The following MGST1 variants were observed in gnomAD, a reference collection of about 807,000 sequenced individuals.
MGST1 encodes the protein glutathione S-transferase 12.
MGST1 carries 5 observed loss-of-function variants against 8.9 expected under a neutral mutation model. The ratio of observed to expected loss-of-function variants is 0.56; its 90% CI spans 0.29 to 1.19. The LOEUF (loss-of-function observed/expected upper bound fraction) is 1.19. MGST1 is among the 50% of genes most tolerant of loss of function. The probability of loss-of-function intolerance (pLI) is 0.08; values close to 1 mark genes in which losing one functional copy is unlikely to be tolerated. For synonymous variants in MGST1, 54 were observed against 67.8 expected, an observed-to-expected ratio of 0.80 and a Z score of 1.00; for missense variants, 182 against 187.4, an observed-to-expected ratio of 0.97 and a Z score of 0.17.
At chr12:16,581,450 C>G (rs981905781) in intron 4 of MGST1, among the ~76,000 whole-genome samples, 1 of 152,110 alleles carries the variant, frequency 6.6e-6, no homozygotes, top group African/African-American at 2.4e-5. Context: ...TTGAGAATAC[C>G]TGAAAAATAA....
At chr12:16,412,003 A>G (rs1940746262) in intron 1 of MGST1, among the ~76,000 whole-genome samples, 1 of 152,200 alleles carries the variant, frequency 6.6e-6, no homozygotes, top group African/African-American at 2.4e-5. Flanking sequence ...TATAAAGTGT[A>G]TAAACTAGTG....
At chr12:16,550,141 ACT>A (rs1941933141) in intron 4 of MGST1, 1 of 152,060 alleles carries the variant, frequency 6.6e-6, no homozygotes, top group Admixed American at 6.5e-5. Flanking sequence ...TAACCTCACT[ACT>A]CAAATACCAT....
chr12:16,534,566 G>T (rs1243397661), intron 4 of MGST1, among the ~76,000 whole-genome samples: 1 of 152,130 alleles, frequency 6.6e-6, no homozygotes, highest in Non-Finnish European at 1.5e-5. Context: ...CAGGGATAAG[G>T]ATGCCTATTT....
rs1302041049 is a variant in MGST1, at chr12:16,433,020, G to A, written n.779-4368G>A. Among the ~76,000 whole-genome samples the A allele has an allele frequency of 5.9e-5, 9 of 152,106 alleles. No individual in the cohort carries two copies. In the South Asian group the frequency reaches 1.5e-3, roughly 25 times the overall value. ...AGGATAGATGTGTATATAAAGGGGAGTTTATTAGGGAGTATTAACTCACAC... is the reference window on the plus strand; with the variant it reads ...AGGATAGATGTGTATATAAAGGGGAATTTATTAGGGAGTATTAACTCACAC... On this transcript the variant is annotated intron_variant and non_coding_transcript_variant, in intron 1 of 1. Coordinates refer to the MGST1 transcript ENST00000359720.
At chr12:16,422,199 C>G (rs1335951651) in intron 1 of MGST1, among the ~76,000 whole-genome samples, 1 of 152,202 alleles carries the variant, frequency 6.6e-6, no homozygotes, top group Non-Finnish European at 1.5e-5. Flanking sequence ...GACATGTGCT[C>G]TCTTTCAGCC....
chr12:16,350,368 A>C (rs567861169), intron 1 of MGST1, among the ~76,000 whole-genome samples: 2 of 152,244 alleles, frequency 1.3e-5, no homozygotes, highest in South Asian at 4.1e-4. Context: ...CTGTGCAAAC[A>C]TGATTGATCA....
At chr12:16,373,345 A>G (rs1940327904) in intron 3 of MGST1, among the ~76,000 whole-genome samples, 1 of 151,902 alleles carries the variant, frequency 6.6e-6, no homozygotes, top group Non-Finnish European at 1.5e-5. Flanking sequence ...TGGCAGCACA[A>G]TAAGGTGACT....
At chr12:16,516,509 G>T (rs146329114) in intron 4 of MGST1, among the ~76,000 whole-genome samples, 1 of 152,154 alleles carries the variant, frequency 6.6e-6, no homozygotes, top group Non-Finnish European at 1.5e-5. Context: ...TCAAAATTGG[G>T]CAAGTTTCTT....
At chr12:16,356,559 T>G (rs1404167414) in intron 2 of MGST1, among the ~76,000 whole-genome samples, 3 of 152,190 alleles carry the variant, frequency 2.0e-5, no homozygotes, top group Non-Finnish European at 4.4e-5. Flanking sequence ...CAAATGAGAT[T>G]AATTTTGCAG....
chr12:16,498,645 A>G (rs1941485161), intron 4 of MGST1, among the ~76,000 whole-genome samples: 1 of 152,212 alleles, frequency 6.6e-6, no homozygotes, highest in Admixed American at 6.5e-5. Context: ...TTGAAGAAAT[A>G]GGCTGAGCCC....
chr12:16,546,771 T>C lies in MGST1; in HGVS notation n.483-42757T>C, dbSNP rs1941828458. ...GGAAAGTTTAGTTGGTGACTTTTTA[T>C]GTCAGGTTTGGTATTTTTTTAAATC... On this transcript the variant is annotated intron_variant and non_coding_transcript_variant, in intron 4 of 4. Transcript: ENST00000538857. The surrounding 1 kb of genome is among the most constrained non-coding windows in gnomAD (Gnocchi z 4.7). 6.6e-6 allele frequency among the ~76,000 whole-genome samples: 1 copy of C among 152,082 alleles called. No individual in the cohort carries two copies. The highest frequency in any genetic ancestry group is 6.6e-5 in the Admixed American group (1 of 15,242).
At chr12:16,468,709 A>G (rs1941271348) in intron 4 of MGST1, among the ~76,000 whole-genome samples, 1 of 152,176 alleles carries the variant, frequency 6.6e-6, no homozygotes, top group African/African-American at 2.4e-5. Context: ...TTGTTGTAGG[A>G]TAGATTAATT....
intron 4 of MGST1, chr12:16,567,637 T>C (rs1304194633): frequency 6.6e-6 from 1 of 152,166 alleles, no homozygotes; most frequent in Non-Finnish European, 1.5e-5. Flanking sequence ...AGGCTATTTT[T>C]TAAATGACCA....
At chr12:16,583,738 T>C (rs897505719) in intron 4 of MGST1, among the ~76,000 whole-genome samples, 2 of 152,182 alleles carry the variant, frequency 1.3e-5, no homozygotes, top group African/African-American at 2.4e-5. Flanking sequence ...AGCATACCCA[T>C]GGCAATTTGT....
rs1361501553 is a variant in MGST1, at chr12:16,410,254, TA to T, written n.778+26654del. Among the ~76,000 whole-genome samples the T allele has an allele frequency of 1.3e-5, 2 of 152,178 alleles. No individual in the cohort carries two copies. Among genetic ancestry groups the T allele is most frequent in the Non-Finnish European group, 2.9e-5 (2 of 68,020 alleles). On this transcript the variant is annotated intron_variant and non_coding_transcript_variant, in intron 1 of 1. Transcript: ENST00000359720. The surrounding 1 kb of genome is among the most constrained non-coding windows in gnomAD (Gnocchi z 4.4). ...ACATTTTAAGATGATTTACCATATTTAAAATCTATCATTTTAATTATTTTAA... is the reference window on the plus strand; with the variant it reads ...ACATTTTAAGATGATTTACCATATTTAAATCTATCATTTTAATTATTTTAA...
intron 1 of MGST1, among the ~76,000 whole-genome samples, chr12:16,350,097 A>C (rs1197941812): frequency 6.6e-6 from 1 of 152,102 alleles, no homozygotes; most frequent in African/African-American, 2.4e-5. Flanking sequence ...GTGAAATGGG[A>C]GTTCTTATTC....
intron 3 of MGST1, chr12:16,376,017 C>T (rs551409662): frequency 1.2e-5 from 9 of 729,838 alleles, no homozygotes; most frequent in Non-Finnish European, 1.8e-5. Context: ...CCTATATGTA[C>T]ACACACAGAT....
downstream of MGST1, among the ~76,000 whole-genome samples, chr12:16,379,451 T>C (rs942664600): frequency 6.6e-6 from 1 of 152,242 alleles, no homozygotes; most frequent in Non-Finnish European, 1.5e-5. Context: ...GGATTACATT[T>C]ATTGATTTGC....
downstream of MGST1, among the ~76,000 whole-genome samples, chr12:16,369,198 C>G (rs1940249579): frequency 6.6e-6 from 1 of 152,132 alleles, no homozygotes; most frequent in Non-Finnish European, 1.5e-5. This position sits in a 1 kb window ranked among gnomAD's most constrained non-coding sequence, Gnocchi z 4.8. Context: ...TTCTGGCTGC[C>G]TGAGATAATG....
Sources: allele counts gnomAD v4.1 joint callset (sites outside exome capture counted in the v4.1 genomes callset), GRCh38; gene constraint gnomAD v4.1.1; non-coding constraint Gnocchi (gnomAD v3.1); transcripts MANE v1.5; gene names NCBI Gene and HGNC (gene_info 2026-07-23, HGNC 2026-07-21).